NPSR1: variants seen among roughly 807,000 people sequenced by gnomAD.
NPSR1 encodes the protein neuropeptide S receptor.
In NPSR1, 48 loss-of-function variants were observed where a neutral mutation model predicts 46.9. That is an observed-to-expected ratio of 1.02 (90% confidence interval 0.81 to 1.30). The LOEUF (loss-of-function observed/expected upper bound fraction) is 1.30. NPSR1 is among the 50% of genes most tolerant of loss of function. The probability of loss-of-function intolerance (pLI) is 0.00; values close to 1 mark genes in which losing one functional copy is unlikely to be tolerated. For missense variants in NPSR1, 450 were observed against 449.5 expected (o/e 1.00, Z -0.01); for synonymous variants, 176 against 168.1 (o/e 1.05, Z -0.36).
At chr7:34,716,977 T>A (rs561642598) in intron 2 of NPSR1, among the ~76,000 whole-genome samples, 3 of 152,290 alleles carry the variant, frequency 2.0e-5, no homozygotes, top group Middle Eastern at 3.4e-3. Flanking sequence ...AGCGAGGCAG[T>A]GCCTGCTTTG....
chr7:34,793,502 C>A (rs1788034381), intron 3 of NPSR1, among the ~76,000 whole-genome samples: 1 of 152,024 alleles, frequency 6.6e-6, no homozygotes, highest in African/African-American at 2.4e-5. Context: ...CAGGGAAATA[C>A]AAATCCAAAC....
rs1031590155 is a variant in NPSR1 at position 34,866,394 on chromosome 7, C to T, written c.1026-11682C>T. On this transcript the variant is annotated intron_variant, in intron 8 of 8. Transcript: ENST00000359791. ...AAGGGCACAGTTGTAGACAGACATG[C>T]AAATGATGAGAGGATAGCGGAGGGA... 3.3e-5 allele frequency among the ~76,000 whole-genome samples: 5 copies of T among 151,798 alleles called. 1 individual carries two copies. The highest frequency in any genetic ancestry group is 1.2e-4 in the African/African-American group (5 of 41,052).
intron 2 of NPSR1, among the ~76,000 whole-genome samples, chr7:34,689,477 C>T (rs375353729): frequency 4.6e-4 from 69 of 151,446 alleles, no homozygotes; most frequent in East Asian, 1.8e-3. Context: ...TGGTGGTGGA[C>T]GCCTGTAGTC....
chr7:34,778,788 G>C (rs1021333879), intron 3 of NPSR1, among the ~76,000 whole-genome samples: 4 of 152,100 alleles, frequency 2.6e-5, no homozygotes, highest in South Asian at 2.1e-4. Context: ...GCAATGCTAA[G>C]GACATAAAGC....
intron 1 of NPSR1, among the ~76,000 whole-genome samples, chr7:34,660,387 T>G (rs2128667886): frequency 6.6e-6 from 1 of 152,356 alleles, no homozygotes; most frequent in East Asian, 1.9e-4. Context: ...TTTTTTTCTA[T>G]GATCCCCTTT....
At chr7:34,706,542 T>C (rs1010413039) in intron 2 of NPSR1, among the ~76,000 whole-genome samples, 3 of 152,114 alleles carry the variant, frequency 2.0e-5, no homozygotes, top group African/African-American at 7.2e-5. Flanking sequence ...AAAGGTTGCT[T>C]TGTCTATGAA....
At chr7:34,746,986 A>G (rs1002206882) in intron 2 of NPSR1, among the ~76,000 whole-genome samples, 2 of 152,038 alleles carry the variant, frequency 1.3e-5, no homozygotes, top group African/African-American at 4.8e-5. Flanking sequence ...TTAGCTGTGC[A>G]TGGTGGAACG....
At chr7:34,878,292 C>T (rs544427615) in exon 9 of NPSR1, 35 of 585,688 alleles carry the variant, frequency 6.0e-5, no homozygotes, top group African/African-American at 5.4e-4. Context: ...AGCAGGATGG[C>T]CTGCATCAGA....
rs925197709 is a variant in NPSR1 at position 34,801,742 on chromosome 7, T to C, written c.385-10028T>C. On this transcript the variant is annotated intron_variant, in intron 3 of 8. Transcript: ENST00000360581. ...AGGGCAATTAGGCAGGAGAAGGAAA[T>C]AAAGAGTATTCAATTAGGAAAAGAG... Among the ~76,000 whole-genome samples the C allele has an allele frequency of 7.4e-5, 11 of 147,918 alleles. 2 individuals carry two copies. The highest frequency in any genetic ancestry group is 2.9e-4 in the African/African-American group (11 of 37,864).
At position 34,778,430 on chromosome 7, in the gene NPSR1, C is replaced by T. The variant is rs1583998984; in HGVS notation, c.281-32C>T. 4 of 1,237,064 alleles carry T rather than the reference C, an allele frequency of 3.2e-6. No homozygotes were observed. The Admixed American group carries it at 5.5e-5, about 17-fold the overall frequency. The allele number at this position is 1,237,064 out of a possible 1,614,324, so 76.6% of individuals were successfully genotyped here. On this transcript the variant is annotated intron_variant, in intron 2 of 8. Transcript: ENST00000360581. ...TTGAAAAATAAAAATAAAAATAAACCCTGAATGTAAGCACTTGTACGTTTT... is the reference window on the plus strand; with the variant it reads ...TTGAAAAATAAAAATAAAAATAAACTCTGAATGTAAGCACTTGTACGTTTT...
intron 8 of NPSR1, among the ~76,000 whole-genome samples, chr7:34,865,395 T>A (rs995658216): frequency 1.3e-5 from 2 of 151,324 alleles, no homozygotes; most frequent in Non-Finnish European, 2.9e-5. Flanking sequence ...TATGGACAGC[T>A]CCCCCCATGA....
At chr7:34,846,917 G>A (rs539000634) in intron 7 of NPSR1, among the ~76,000 whole-genome samples, 12 of 152,210 alleles carry the variant, frequency 7.9e-5, no homozygotes, top group Non-Finnish European at 1.5e-4. Context: ...GCTGGGCTGC[G>A]TGTACCATGC....
At chr7:34,871,821 C>G (rs150058126) in intron 8 of NPSR1, among the ~76,000 whole-genome samples, 2,678 of 152,046 alleles carry the variant, frequency 0.018, 53 homozygotes, top group Non-Finnish European at 0.027. Context: ...GCAGACCCAC[C>G]CCTGTGGCTT....
chr7:34,722,117 C>A (rs560111926), intron 2 of NPSR1, among the ~76,000 whole-genome samples: 36 of 151,912 alleles, frequency 2.4e-4, no homozygotes, highest in African/African-American at 7.7e-4. Context: ...AAAAAAAATT[C>A]CCAATGAATT....
At chr7:34,877,258 G>A (rs953984024) in intron 8 of NPSR1, among the ~76,000 whole-genome samples, 2 of 152,160 alleles carry the variant, frequency 1.3e-5, no homozygotes, top group Non-Finnish European at 2.9e-5. Context: ...GGATGCATGG[G>A]GGTGTGGGGG....
intron 2 of NPSR1, among the ~76,000 whole-genome samples, chr7:34,775,344 T>C (rs769150327): frequency 6.6e-6 from 1 of 152,172 alleles, no homozygotes; most frequent in Non-Finnish European, 1.5e-5. Flanking sequence ...CAGGATAATA[T>C]TGGCCTCGTA....
At chr7:34,672,309 A>G (rs1405529632) in intron 1 of NPSR1, among the ~76,000 whole-genome samples, 1 of 152,220 alleles carries the variant, frequency 6.6e-6, no homozygotes, top group Non-Finnish European at 1.5e-5. Flanking sequence ...AAAGCTTTCA[A>G]TACATGCTAT....
At chr7:34,806,582 T>C (rs1411025626) in intron 3 of NPSR1, among the ~76,000 whole-genome samples, 1 of 152,102 alleles carries the variant, frequency 6.6e-6, no homozygotes, top group Non-Finnish European at 1.5e-5. Context: ...TAATGGTGGG[T>C]ACATAACATT....
At chr7:34,741,960 C>G (rs1056995939) in intron 2 of NPSR1, among the ~76,000 whole-genome samples, 2 of 152,212 alleles carry the variant, frequency 1.3e-5, no homozygotes, top group African/African-American at 4.8e-5. Context: ...GCATTTGTTG[C>G]TGGATGTATG....
Sources: allele counts gnomAD v4.1 joint callset (sites outside exome capture counted in the v4.1 genomes callset), GRCh38; gene constraint gnomAD v4.1.1; transcripts MANE v1.5; gene names NCBI Gene and HGNC (gene_info 2026-07-23, HGNC 2026-07-21).